Variants in MICOS13 observed in about 807,000 individuals in gnomAD.
MICOS13 encodes the protein mitochondrial contact site and cristae organizing system subunit 13.
A neutral mutation model predicts 16.1 loss-of-function variants in MICOS13; 15 were observed. The ratio of observed to expected loss-of-function variants is 0.93; its 90% CI spans 0.62 to 1.44. The LOEUF (loss-of-function observed/expected upper bound fraction) is 1.44. Among genes scored for constraint, MICOS13 ranks in the 40% most tolerant of loss-of-function variants. The probability of loss-of-function intolerance (pLI) is 0.00; values close to 1 mark genes in which losing one functional copy is unlikely to be tolerated. For missense variants in MICOS13, 164 were observed against 155.0 expected (o/e 1.06, Z -0.31); for synonymous variants, 61 against 62.6 (o/e 0.97, Z 0.12).
At chr19:5,680,289 G>A (rs746010825) in intron 1 of MICOS13, 169 bp downstream of exon 1, 3 of 1,606,452 alleles carry the variant, frequency 1.9e-6, no homozygotes, top group African/African-American at 1.3e-5. Flanking sequence ...ACCTCGGGAA[G>A]CCCCGCCCCT....
intron 1 of MICOS13, chr19:5,679,999 G>A (rs1568294035): frequency 1.3e-6 from 2 of 1,484,254 alleles, no homozygotes; most frequent in African/African-American, 2.8e-5. Context: ...GAGGGGGAGA[G>A]TGGGTCACTC....
chr19:5,680,271 G>C (rs758409044), intron 1 of MICOS13, 187 bp downstream of exon 1: 1 of 1,592,112 alleles, frequency 6.3e-7, no homozygotes, highest in East Asian at 2.3e-5. Flanking sequence ...GGAGGGAGGG[G>C]ATTGGCGACC....
In MICOS13 at chr19:5,680,487, G is replaced by C. The variant is rs762026193; in HGVS notation, c.-1C>G. 1 of 1,606,192 alleles carries C rather than the reference G, an allele frequency of 6.2e-7. No homozygotes were observed. Among genetic ancestry groups the C allele is most frequent in the Admixed American group, 1.8e-5 (1 of 56,900 alleles). ...TCAGCGACCACACCCGGGCCACCATGGTCGCTCGGATCCACGCGCAAGGAC... is the reference window on the plus strand; with the variant it reads ...TCAGCGACCACACCCGGGCCACCATCGTCGCTCGGATCCACGCGCAAGGAC... On this transcript the variant is annotated 5_prime_UTR_variant, in exon 1 of 4. Coordinates refer to ENST00000309324, the MANE Select transcript of MICOS13 (RefSeq NM_205767.3).
At chr19:5,679,552 G>T in intron 2 of MICOS13, 34 bp downstream of exon 2, 1 of 1,602,414 alleles carries the variant, frequency 6.2e-7, no homozygotes, top group South Asian at 1.1e-5. Context: ...CTGACCACCC[G>T]CCAAACCCTG....
chr19:5,679,856 G>A, intron 1 of MICOS13, 93 bp from the exon 2 acceptor site: 1 of 1,460,176 alleles, frequency 6.8e-7, no homozygotes, highest in Non-Finnish European at 9.1e-7. Context: ...ACCCTCCTGA[G>A]GGCTCACCGT....
At chr19:5,679,916 A>G in intron 1 of MICOS13, 153 bp from the exon 2 acceptor site, 3 of 1,337,580 alleles carry the variant, frequency 2.2e-6, no homozygotes, top group Non-Finnish European at 3.0e-6. Context: ...GACCCCTATT[A>G]TATACAGCAC....
chr19:5,680,001 G>A (rs2145523748), intron 1 of MICOS13: 3 of 1,485,094 alleles, frequency 2.0e-6, no homozygotes, highest in Middle Eastern at 2.4e-4. Flanking sequence ...GGGGGAGAGT[G>A]GGTCACTCAA....
intron 1 of MICOS13, 116 bp from the exon 2 acceptor site, chr19:5,679,879 ACT>A (rs2054501545): frequency 2.9e-6 from 4 of 1,396,578 alleles, no homozygotes; most frequent in East Asian, 2.5e-5. Flanking sequence ...ACAGGGTGAC[ACT>A]CTGTAGTGCA....
At chr19:5,680,367 G>A (rs749153956) in intron 1 of MICOS13, 91 bp downstream of exon 1, 7 of 1,603,846 alleles carry the variant, frequency 4.4e-6, no homozygotes, top group Non-Finnish European at 6.0e-6. Context: ...TAAGGGAAGC[G>A]AAGAGCAGAT....
chr19:5,679,872 G>T, intron 1 of MICOS13, 109 bp from the exon 2 acceptor site: 1 of 1,417,914 alleles, frequency 7.1e-7, no homozygotes, highest in Non-Finnish European at 9.4e-7. Context: ...ACCGTCCACA[G>T]GGTGACACTC....
intron 1 of MICOS13, 59 bp from the exon 2 acceptor site, chr19:5,679,822 G>T (rs2054500635): frequency 6.6e-7 from 1 of 1,526,200 alleles, no homozygotes; most frequent in South Asian, 1.2e-5. Flanking sequence ...ACCCTCAGGG[G>T]CCAAGGCCCA....
chr19:5,680,243 A>G, intron 1 of MICOS13: 1 of 1,560,968 alleles, frequency 6.4e-7, no homozygotes, highest in Non-Finnish European at 8.6e-7. Context: ...CTGAACGCCA[A>G]GGGCTCGCTG....
intron 3 of MICOS13, 85 bp from the exon 4 acceptor site, chr19:5,678,733 T>TTTGG: frequency 2.8e-5 from 7 of 252,146 alleles, no homozygotes; most frequent in South Asian, 4.3e-5. Context: ...GAGTTTGTTT[T>TTTGG]GGGCGGTGGG....
Position 5,679,398 on chromosome 19 carries a change from T to C in MICOS13, c.208-2A>G, listed in dbSNP as rs1304826990. 6.2e-7 allele frequency: 1 copy of C among 1,612,908 alleles called. No homozygotes were observed. The highest frequency in any genetic ancestry group is 8.5e-7 in the Non-Finnish European group (1 of 1,179,606). ...GTAAATCTTTGGAGGGGCTGGGAGC[T>C]GGGAAAAAGAGATGGGCAGAAAGAA... On this transcript the variant is annotated splice_acceptor_variant, in intron 2 of 3. Transcript: ENST00000309324. LOFTEE classifies it high-confidence loss of function.
rs1242258903 is a variant in MICOS13, at chr19:5,678,602, G to A, written c.306C>T (p.Ala102=). 5 of 1,547,704 alleles carry A rather than the reference G, an allele frequency of 3.2e-6. No homozygotes were observed. Among genetic ancestry groups the A allele is most frequent in the Admixed American group, 2.0e-5 (1 of 50,386 alleles). Residue 102 remains alanine (A), a synonymous_variant, in exon 4 of 4, where the codon GCC becomes GCT. Coordinates refer to ENST00000309324, the MANE Select transcript of MICOS13 (RefSeq NM_205767.3). Reference sequence around the variant, plus strand: ...CCCAGCCCTCCTTGGAGTACTCGCGGGCCTTGGAGGGGGCCACCGACAGAG... The same window carrying A: ...CCCAGCCCTCCTTGGAGTACTCGCGAGCCTTGGAGGGGGCCACCGACAGAG... ...MSALSVAPSK[A]REYSKEGWEY...
intron 3 of MICOS13, 106 bp downstream of exon 3, chr19:5,679,239 C>T: frequency 8.2e-6 from 10 of 1,218,478 alleles, no homozygotes; most frequent in Non-Finnish European, 1.0e-5. Context: ...CCCTAAGAGA[C>T]ACGTGTCGGG....
intron 3 of MICOS13, chr19:5,678,979 G>A: frequency 2.7e-6 from 1 of 372,308 alleles, no homozygotes; most frequent in South Asian, 3.1e-5. Context: ...TGCAACCTCG[G>A]CTCACTGCAA....
chr19:5,679,834 G>T, intron 1 of MICOS13, 71 bp from the exon 2 acceptor site: 1 of 1,510,534 alleles, frequency 6.6e-7, no homozygotes, highest in South Asian at 1.2e-5. Flanking sequence ...CAAGGCCCAC[G>T]GGGAGAGTGA....
At chr19:5,680,226 C>A in intron 1 of MICOS13, 1 of 1,546,720 alleles carries the variant, frequency 6.5e-7, no homozygotes, top group Non-Finnish European at 8.7e-7. Flanking sequence ...GAGGCTGACA[C>A]CGCGAACTGA....
Sources: gnomAD v4.1 joint callset for allele counts on GRCh38, gnomAD v4.1.1 for gene constraint, MANE v1.5 for transcripts, NCBI Gene and HGNC (gene_info 2026-07-23, HGNC 2026-07-21) for gene names.